PTPRA: variants seen among roughly 807,000 people sequenced by gnomAD.
PTPRA encodes receptor-type tyrosine-protein phosphatase alpha.
In PTPRA, 25 loss-of-function variants were observed where a neutral mutation model predicts 104.8. That is an observed-to-expected ratio of 0.24 (90% CI 0.17 to 0.33). PTPRA has a LOEUF of 0.33. PTPRA is among the 10% of genes least tolerant of loss of function. The probability of loss-of-function intolerance (pLI) is 1.00; values close to 1 mark genes in which losing one functional copy is unlikely to be tolerated. For synonymous variants in PTPRA, 323 were observed against 368.9 expected, an observed-to-expected ratio of 0.88 and a Z score of 1.43; for missense variants, 765 against 1,015.3, an observed-to-expected ratio of 0.75 and a Z score of 3.35.
chr20:2,878,012 G>A (rs1252238736), intron 1 of PTPRA, among the ~76,000 whole-genome samples: 2 of 152,074 alleles, frequency 1.3e-5, no homozygotes, highest in African/African-American at 4.8e-5. Flanking sequence ...TTAGCTGGGT[G>A]TGGTGGCGCG....
intron 1 of PTPRA, among the ~76,000 whole-genome samples, chr20:2,894,754 A>G (rs1340687165): frequency 6.6e-6 from 1 of 152,138 alleles, no homozygotes; most frequent in African/African-American, 2.4e-5. Context: ...TGGGAGGCTG[A>G]GGCGGGTGGA....
At chr20:2,884,639 G>C (rs2090266266) in intron 1 of PTPRA, among the ~76,000 whole-genome samples, 1 of 151,902 alleles carries the variant, frequency 6.6e-6, no homozygotes, top group African/African-American at 2.4e-5. Context: ...TTATTATTAA[G>C]TTACTTATAT....
At chr20:2,963,740 TCAAAA>T (rs1406445698) in intron 3 of PTPRA, among the ~76,000 whole-genome samples, 1 of 152,124 alleles carries the variant, frequency 6.6e-6, no homozygotes, top group Non-Finnish European at 1.5e-5. Context: ...ATTTTGGATT[TCAAAA>T]TTTGGATTAG....
chr20:2,945,296 T>G (rs1442678313), intron 2 of PTPRA, among the ~76,000 whole-genome samples: 7 of 152,228 alleles, frequency 4.6e-5, no homozygotes, highest in Non-Finnish European at 1.0e-4. Flanking sequence ...CACTGTAGTT[T>G]TAAAATTATT....
chr20:3,003,804 C>T (rs565175161), intron 9 of PTPRA, among the ~76,000 whole-genome samples: 7 of 151,598 alleles, frequency 4.6e-5, no homozygotes, highest in African/African-American at 1.7e-4. Context: ...CCTCTACCTC[C>T]CAAAGTGCTG....
intron 11 of PTPRA, among the ~76,000 whole-genome samples, chr20:3,015,632 A>G (rs1282146745): frequency 6.6e-6 from 1 of 152,118 alleles, no homozygotes; most frequent in African/African-American, 2.4e-5. Flanking sequence ...GTATTTATTA[A>G]TAATTCAATT....
At chr20:3,016,208 C>CA (rs2064439449) in intron 12 of PTPRA, among the ~76,000 whole-genome samples, 1 of 152,146 alleles carries the variant, frequency 6.6e-6, no homozygotes, top group Non-Finnish European at 1.5e-5. Flanking sequence ...CCAGGCTGCT[C>CA]AGAGTTTGAA....
At chr20:2,971,314 T>C (rs1175004580) in intron 5 of PTPRA, among the ~76,000 whole-genome samples, 1 of 152,172 alleles carries the variant, frequency 6.6e-6, no homozygotes, top group African/African-American at 2.4e-5. Flanking sequence ...CTGAAGTCTT[T>C]TTTTTTTAAA....
intron 1 of PTPRA, among the ~76,000 whole-genome samples, chr20:2,896,605 T>C (rs1272046430): frequency 3.3e-5 from 5 of 152,196 alleles, no homozygotes; most frequent in African/African-American, 1.2e-4. Context: ...TAATGCTGTA[T>C]TACCCATAAA....
At chr20:2,926,160 C>T (rs1016365776) in intron 2 of PTPRA, among the ~76,000 whole-genome samples, 2 of 152,110 alleles carry the variant, frequency 1.3e-5, no homozygotes, top group African/African-American at 4.8e-5. Context: ...TGGGAATTTA[C>T]CTTACACTAT....
intron 16 of PTPRA, 129 bp from the exon 17 acceptor site, chr20:3,024,343 G>T (rs1953937825): frequency 1.0e-6 from 1 of 987,128 alleles, no homozygotes; most frequent in East Asian, 2.4e-5. Flanking sequence ...GATAATAAGA[G>T]GGAGTCCTTT....
At chr20:3,030,270 G>C (rs1194959957) in intron 20 of PTPRA, among the ~76,000 whole-genome samples, 2 of 152,276 alleles carry the variant, frequency 1.3e-5, no homozygotes, top group Middle Eastern at 3.4e-3. Flanking sequence ...GGGGAGAAGA[G>C]TCGTGCGCAC....
the PTPRA span, chr20:2,866,278 G>A: frequency 1.2e-6 from 2 of 1,613,978 alleles, no homozygotes; most frequent in African/African-American, 2.7e-5. Flanking sequence ...TTCCCGCGTG[G>A]GTCCCGAGCA....
At chr20:2,868,322 T>G in the PTPRA span, among the ~76,000 whole-genome samples, 3 of 148,406 alleles carry the variant, frequency 2.0e-5, no homozygotes, top group Non-Finnish European at 4.5e-5. Context: ...TTTTTTTTTT[T>G]TTTTTTTTGC....
chr20:2,909,082 A>G (rs1292080331), intron 1 of PTPRA, among the ~76,000 whole-genome samples: 3 of 152,190 alleles, frequency 2.0e-5, no homozygotes, highest in African/African-American at 7.2e-5. Context: ...ATCAAAAAGC[A>G]GTTCAACAAG....
chr20:2,878,741 T>TGGGGG (rs2089888746), intron 1 of PTPRA, among the ~76,000 whole-genome samples: 1 of 152,234 alleles, frequency 6.6e-6, no homozygotes, highest in African/African-American at 2.4e-5. Flanking sequence ...GGGCCATTTC[T>TGGGGG]TGACAACCCA....
At chr20:3,027,899 G>A in intron 20 of PTPRA, 58 bp downstream of exon 20, 3 of 1,599,768 alleles carry the variant, frequency 1.9e-6, no homozygotes, top group South Asian at 1.1e-5. Context: ...AGATGTGTGT[G>A]TAAATGGGGA....
intron 1 of PTPRA, among the ~76,000 whole-genome samples, chr20:2,875,954 A>G (rs1438625542): frequency 6.6e-6 from 1 of 152,224 alleles, no homozygotes; most frequent in Admixed American, 6.5e-5. Flanking sequence ...GAGCAGCACA[A>G]GCAAACTTGG....
At chr20:3,015,913 A>G in intron 12 of PTPRA, 28 bp downstream of exon 12, 4 of 1,539,232 alleles carry the variant, frequency 2.6e-6, no homozygotes, top group Non-Finnish European at 3.6e-6. Context: ...TTTTTCTGTT[A>G]GATTTAACCA....
Sources: gnomAD v4.1 joint callset for allele counts (sites outside exome capture counted in the v4.1 genomes callset) on GRCh38, gnomAD v4.1.1 for gene constraint, MANE v1.5 for transcripts, NCBI Gene and HGNC (gene_info 2026-07-23, HGNC 2026-07-21) for gene names.